The following SAMTOR variants were observed in gnomAD, a reference collection of about 807,000 sequenced individuals.
SAMTOR encodes S-adenosylmethionine sensor upstream of mTORC1.
At chr7:112,876,728 G>A in the SAMTOR span, among the ~76,000 whole-genome samples, 1 of 152,132 alleles carries the variant, frequency 6.6e-6, no homozygotes, top group Non-Finnish European at 1.5e-5. Flanking sequence ...GGCTTCACCT[G>A]TACTGCAGAA....
At chr7:112,840,034 T>C in the SAMTOR span, among the ~76,000 whole-genome samples, 1 of 151,876 alleles carries the variant, frequency 6.6e-6, no homozygotes, top group African/African-American at 2.4e-5. Context: ...CTATCTGCTC[T>C]ACCTATTCTA....
chr7:112,871,974 T>C, the SAMTOR span, among the ~76,000 whole-genome samples: 105 of 152,268 alleles, frequency 6.9e-4, no homozygotes, highest in African/African-American at 2.4e-3. Flanking sequence ...GACCAATGTG[T>C]TCCGAAATTG....
chr7:112,851,709 AAC>A, the SAMTOR span, among the ~76,000 whole-genome samples: 2 of 152,162 alleles, frequency 1.3e-5, no homozygotes, highest in African/African-American at 2.4e-5. Context: ...CAACAGAGTA[AAC>A]ACACAACCTA....
At chr7:112,936,739 T>C in the SAMTOR span, among the ~76,000 whole-genome samples, 22 of 152,176 alleles carry the variant, frequency 1.4e-4, no homozygotes, top group Admixed American at 1.3e-3. Flanking sequence ...CTCCTTATTC[T>C]ACCCTAACTT....
the SAMTOR span, among the ~76,000 whole-genome samples, chr7:112,839,485 G>T: frequency 1.3e-5 from 2 of 151,766 alleles, no homozygotes; most frequent in Non-Finnish European, 2.9e-5. Context: ...ACAGACTAAA[G>T]GTACTTGGGA....
chr7:112,850,860 G>A, the SAMTOR span, among the ~76,000 whole-genome samples: 1 of 152,014 alleles, frequency 6.6e-6, no homozygotes, highest in South Asian at 2.1e-4. Flanking sequence ...AGAAACTTTT[G>A]TTTAATAAGT....
chr7:112,900,161 TA>T, the SAMTOR span, among the ~76,000 whole-genome samples: 1 of 152,180 alleles, frequency 6.6e-6, no homozygotes, highest in Non-Finnish European at 1.5e-5. Flanking sequence ...AAGAGATTTG[TA>T]ATAAGGAATT....
the SAMTOR span, among the ~76,000 whole-genome samples, chr7:112,905,689 T>C: frequency 2.3e-3 from 346 of 152,236 alleles, no homozygotes; most frequent in Non-Finnish European, 4.2e-3. Flanking sequence ...TTCTTCTCCA[T>C]AGATGTTGAA....
At chr7:112,920,128 C>G in the SAMTOR span, among the ~76,000 whole-genome samples, 1 of 152,218 alleles carries the variant, frequency 6.6e-6, no homozygotes, top group African/African-American at 2.4e-5. Context: ...ATACCAAAGA[C>G]TGGCAGAGAC....
chr7:112,851,173 A>T, the SAMTOR span, among the ~76,000 whole-genome samples: 1 of 152,096 alleles, frequency 6.6e-6, no homozygotes, highest in Non-Finnish European at 1.5e-5. Context: ...ATCACTATTA[A>T]ATTATCAACA....
At chr7:112,897,280 A>T in the SAMTOR span, among the ~76,000 whole-genome samples, 1 of 152,210 alleles carries the variant, frequency 6.6e-6, no homozygotes, top group Non-Finnish European at 1.5e-5. Flanking sequence ...CACTAACTGT[A>T]CACTAGATGG....
At chr7:112,897,983 T>C in the SAMTOR span, among the ~76,000 whole-genome samples, 1 of 152,156 alleles carries the variant, frequency 6.6e-6, no homozygotes. Context: ...CCCAGAGAGA[T>C]AATCTTTGTG....
chr7:112,845,941 T>C, the SAMTOR span, among the ~76,000 whole-genome samples: 1 of 152,106 alleles, frequency 6.6e-6, no homozygotes, highest in Non-Finnish European at 1.5e-5. Context: ...CTGGAGGCCA[T>C]CATACTTAGC....
At chr7:112,840,324 T>G in the SAMTOR span, among the ~76,000 whole-genome samples, 1 of 151,964 alleles carries the variant, frequency 6.6e-6, no homozygotes, top group Non-Finnish European at 1.5e-5. Flanking sequence ...ACACTTAAAA[T>G]TCTGTTAACC....
the SAMTOR span, among the ~76,000 whole-genome samples, chr7:112,876,764 T>C: frequency 7.2e-5 from 11 of 152,344 alleles, no homozygotes; most frequent in East Asian, 2.1e-3. Flanking sequence ...CTTGGCATAA[T>C]ATTCAAAGCT....
chr7:112,874,608 G>C, the SAMTOR span, among the ~76,000 whole-genome samples: 3 of 152,064 alleles, frequency 2.0e-5, no homozygotes, highest in African/African-American at 7.2e-5. Context: ...ACATATCCTT[G>C]TAACAAGTAC....
At chr7:112,868,401 T>C in the SAMTOR span, among the ~76,000 whole-genome samples, 1 of 152,164 alleles carries the variant, frequency 6.6e-6, no homozygotes, top group Non-Finnish European at 1.5e-5. Context: ...CGTGAAGGTG[T>C]TTGGCTGGTT....
the SAMTOR span, chr7:112,822,227 G>A: frequency 1.8e-4 from 289 of 1,613,670 alleles, no homozygotes; most frequent in East Asian, 3.3e-3. Flanking sequence ...AAGAAAGAAG[G>A]AGAGAGAAAA....
At chr7:112,898,975 C>T in the SAMTOR span, among the ~76,000 whole-genome samples, 1 of 152,132 alleles carries the variant, frequency 6.6e-6, no homozygotes, top group Non-Finnish European at 1.5e-5. Flanking sequence ...AGGATGGATA[C>T]TAACAAGTCC....
Sources: allele counts gnomAD v4.1 joint callset (sites outside exome capture counted in the v4.1 genomes callset), GRCh38; gene constraint gnomAD v4.1.1; transcripts MANE v1.5; gene names NCBI Gene and HGNC (gene_info 2026-07-23, HGNC 2026-07-21).